Variants in GBE1 observed in about 807,000 individuals in gnomAD.
The protein encoded by GBE1 is 1,4-alpha-glucan-branching enzyme.
Under a neutral mutation model 88.8 loss-of-function variants are expected in GBE1, and 70 were observed. That is an observed-to-expected ratio of 0.79 (90% CI 0.65 to 0.96). The LOEUF is 0.96. GBE1 is among the 40% of genes least tolerant of loss of function. GBE1 has a pLI of 0.00. For missense variants in GBE1, 872 were observed against 871.0 expected (o/e 1.00, Z -0.01); for synonymous variants, 284 against 300.1 (o/e 0.95, Z 0.56).
intron 1 of GBE1, among the ~76,000 whole-genome samples, chr3:81,735,272 A>G (rs1706243226): frequency 6.6e-6 from 1 of 152,194 alleles, no homozygotes. Flanking sequence ...CAAATCAAAA[A>G]GAGATGTTAT....
intron 1 of GBE1, among the ~76,000 whole-genome samples, chr3:81,740,449 C>T (rs1706330617): frequency 6.6e-6 from 1 of 151,148 alleles, no homozygotes; most frequent in South Asian, 2.1e-4. Context: ...CAAAACAAAA[C>T]AAAAAACAAA....
intron 1 of GBE1, among the ~76,000 whole-genome samples, chr3:81,748,156 A>G (rs962426834): frequency 2.6e-5 from 4 of 152,128 alleles, no homozygotes; most frequent in Non-Finnish European, 5.9e-5. Flanking sequence ...AGAAAAATCA[A>G]TCCAGTTAGA....
chr3:81,586,094 G>A lies in GBE1; in HGVS notation c.1333C>T (p.Gln445Ter), dbSNP rs1703799803. ...LAMAIPDKWI[Q>*]LLKEFKDEDW... ...AAAATATTTACATGGACTCTTACCT[G>A]AATCCACTTATCTGGAATTGCCATG... The change falls in exon 10 of 16, where the codon CAG (glutamine) becomes TAG (stop). Residue 445 changes from glutamine to a stop codon, truncating the protein, a stop_gained and splice_region_variant. Coordinates refer to ENST00000429644, the MANE Select transcript of GBE1 (RefSeq NM_000158.4). LOFTEE classifies it high-confidence loss of function. The A allele has an allele frequency of 6.3e-7, 1 of 1,591,398 alleles. No individual in the cohort carries two copies. The highest frequency in any genetic ancestry group is 8.6e-7 in the Non-Finnish European group (1 of 1,163,590).
At chr3:81,572,228 C>T (rs1286794179) in intron 12 of GBE1, among the ~76,000 whole-genome samples, 1 of 152,154 alleles carries the variant, frequency 6.6e-6, no homozygotes, top group Non-Finnish European at 1.5e-5. Flanking sequence ...CCCAGCTATG[C>T]TTAACTGTAA....
rs574093144 is a variant in GBE1, at chr3:81,596,019, A to T, written c.993-1996T>A. Among the ~76,000 whole-genome samples the T allele has an allele frequency of 1.7e-3, 254 of 152,052 alleles. 1 individual carries two copies. Among genetic ancestry groups the T allele is most frequent in the Non-Finnish European group, 3.0e-3 (206 of 67,842 alleles). ...CTGAAAATCATAAAGTCTTTTAAAA[A>T]CTACTACAAGATTAAAGTGATAAGT... On this transcript the variant is annotated intron_variant, in intron 7 of 15. Transcript: ENST00000429644.
chr3:81,579,087 A>T (rs1300116310), intron 11 of GBE1, among the ~76,000 whole-genome samples: 1 of 151,968 alleles, frequency 6.6e-6, no homozygotes, highest in Non-Finnish European at 1.5e-5. Context: ...AATTATTTTA[A>T]TAACTTTGGA....
chr3:81,712,636 T>C (rs1227936001), intron 1 of GBE1, among the ~76,000 whole-genome samples: 1 of 119,804 alleles, frequency 8.3e-6, no homozygotes. Flanking sequence ...CATCACACAC[T>C]GGGGCCTGTC....
intron 11 of GBE1, among the ~76,000 whole-genome samples, chr3:81,578,507 T>C (rs532660344): frequency 4.6e-5 from 7 of 150,954 alleles, no homozygotes; most frequent in Non-Finnish European, 1.0e-4. Context: ...ATCATTGATA[T>C]ATAATATATA....
At chr3:81,675,606 T>G (rs1559684164) in intron 2 of GBE1, among the ~76,000 whole-genome samples, 1 of 152,080 alleles carries the variant, frequency 6.6e-6, no homozygotes, top group Non-Finnish European at 1.5e-5. Flanking sequence ...GAATAAAAAT[T>G]TAAAGGTTTA....
intron 4 of GBE1, among the ~76,000 whole-genome samples, chr3:81,649,509 G>A (rs1036876910): frequency 7.3e-6 from 1 of 136,118 alleles, no homozygotes; most frequent in African/African-American, 2.7e-5. Flanking sequence ...AGAAATTGTA[G>A]TTTAAAAAAA....
intron 1 of GBE1, among the ~76,000 whole-genome samples, chr3:81,712,864 G>A (rs557325337): frequency 1.3e-5 from 2 of 152,156 alleles, no homozygotes; most frequent in East Asian, 3.9e-4. Context: ...GACTGCATGT[G>A]TCTCACAGAA....
At chr3:81,558,842 C>T (rs574629515) in intron 12 of GBE1, among the ~76,000 whole-genome samples, 3 of 152,022 alleles carry the variant, frequency 2.0e-5, no homozygotes, top group African/African-American at 7.2e-5. Context: ...AACAGATGTC[C>T]TTGTCTTTTA....
intron 1 of GBE1, chr3:81,743,504 C>A (rs1322624181): frequency 8.3e-7 from 1 of 1,198,088 alleles, no homozygotes; most frequent in Non-Finnish European, 1.2e-6. Flanking sequence ...TCCAACCCCC[C>A]TCTCTTACAG....
chr3:81,700,000 A>C (rs62267086), intron 2 of GBE1, among the ~76,000 whole-genome samples: 3 of 152,148 alleles, frequency 2.0e-5, no homozygotes, highest in Non-Finnish European at 2.9e-5. Context: ...GCCATCCTAG[A>C]GTTTCTTCAT....
chr3:81,704,056 G>C (rs1705737978), intron 2 of GBE1, among the ~76,000 whole-genome samples: 1 of 151,858 alleles, frequency 6.6e-6, no homozygotes, highest in Non-Finnish European at 1.5e-5. Flanking sequence ...ATTAAGACTT[G>C]CTGTACCCAG....
At chr3:81,654,498 T>A (rs531560340) in intron 3 of GBE1, 2 of 152,298 alleles carry the variant, frequency 1.3e-5, no homozygotes, top group African/African-American at 2.4e-5. Context: ...TGTTAGCATA[T>A]TTTGAAAGAT....
intron 1 of GBE1, among the ~76,000 whole-genome samples, chr3:81,731,926 T>C (rs939797009): frequency 6.6e-6 from 1 of 152,110 alleles, no homozygotes; most frequent in African/African-American, 2.4e-5. Flanking sequence ...AAACCCTACA[T>C]ACATAAGTCT....
At chr3:81,627,188 G>A (rs1006349069) in intron 7 of GBE1, among the ~76,000 whole-genome samples, 9 of 152,194 alleles carry the variant, frequency 5.9e-5, no homozygotes, top group Admixed American at 6.6e-5. Flanking sequence ...AACTTTGACA[G>A]TCTATTCTCT....
chr3:81,751,292 T>C (rs1205033622), intron 1 of GBE1, among the ~76,000 whole-genome samples: 1 of 152,212 alleles, frequency 6.6e-6, no homozygotes, highest in East Asian at 1.9e-4. Flanking sequence ...ATGATCTCAC[T>C]GGGCTTTTCA....
Sources: allele counts gnomAD v4.1 joint callset (sites outside exome capture counted in the v4.1 genomes callset), GRCh38; gene constraint gnomAD v4.1.1; transcripts MANE v1.5; gene names NCBI Gene and HGNC (gene_info 2026-07-23, HGNC 2026-07-21).